Variants in GABRG3 observed in about 807,000 individuals in gnomAD.
The protein encoded by GABRG3 is gamma-aminobutyric acid receptor subunit gamma-3.
In GABRG3, 25 loss-of-function variants were observed where a neutral mutation model predicts 48.8. That is an observed-to-expected ratio of 0.51 (90% CI 0.37 to 0.72). The LOEUF (loss-of-function observed/expected upper bound fraction) is 0.72, where lower values mean the gene tolerates loss of function less well. GABRG3 is among the 30% of genes least tolerant of loss of function. GABRG3 has a pLI of 0.00. For missense variants in GABRG3, 394 were observed against 577.9 expected, an observed-to-expected ratio of 0.68 and a Z score of 3.26; for synonymous variants, 227 against 217.6, an observed-to-expected ratio of 1.04 and a Z score of -0.38.
chr15:27,333,453 C>T (rs1279173291), intron 5 of GABRG3, among the ~76,000 whole-genome samples: 1 of 152,102 alleles, frequency 6.6e-6, no homozygotes, highest in Non-Finnish European at 1.5e-5. Context: ...AAAAACAGCA[C>T]CTCTCTCTGA....
rs181508397 is a variant in GABRG3 at position 27,171,742 on chromosome 15, G to A, written c.270+144921G>A. ...AGGCCAACCAAGATACATATGTGTG[G>A]TGCCTGCTTGAGCCAGGCACTGCCT... On this transcript the variant is annotated intron_variant, in intron 3 of 9. Coordinates refer to ENST00000615808, the MANE Select transcript of GABRG3 (RefSeq NM_033223.5). Among the ~76,000 whole-genome samples the A allele has an allele frequency of 6.8e-4, 103 of 152,192 alleles. 1 individual carries two copies. Among genetic ancestry groups the A allele is most frequent in the African/African-American group, 2.4e-3 (99 of 41,510 alleles).
In GABRG3 at chr15:26,971,272, CAT is replaced by C. The variant is rs1472931644; in HGVS notation, c.-263_-262del. The stretch of plus-strand genomic sequence containing the variant: ...GCCGCGCCAGGGGGTCCCCGGCGCC[CAT>C]TGCTCCCGCCGCCCGGTTGCGCGGA... On this transcript the variant is annotated 5_prime_UTR_variant, in exon 1 of 10. Coordinates refer to ENST00000615808, the MANE Select transcript of GABRG3 (RefSeq NM_033223.5). The C allele has an allele frequency of 6.3e-6, 1 of 158,188 alleles. No individual in the cohort carries two copies. Among genetic ancestry groups the C allele is most frequent in the Non-Finnish European group, 1.4e-5 (1 of 72,906 alleles). 9.8% of individuals were successfully genotyped at this position (158,188 alleles called of 1,614,324 possible). A position where few individuals can be genotyped will look rare whatever the true frequency, so the allele number is the denominator to read the frequency against.
chr15:27,467,628 T>C (rs1198983763), intron 5 of GABRG3, among the ~76,000 whole-genome samples: 1 of 152,264 alleles, frequency 6.6e-6, no homozygotes, highest in African/African-American at 2.4e-5. Context: ...AGCTATTTCA[T>C]TGGCTAAATA....
At chr15:27,156,409 A>T (rs534446577) in intron 3 of GABRG3, among the ~76,000 whole-genome samples, 1 of 152,150 alleles carries the variant, frequency 6.6e-6, no homozygotes, top group South Asian at 2.1e-4. Context: ...AGAATTTTTA[A>T]AATTCCCATG....
chr15:27,187,295 A>T (rs1476655046), intron 3 of GABRG3, among the ~76,000 whole-genome samples: 2 of 152,114 alleles, frequency 1.3e-5, no homozygotes, highest in Non-Finnish European at 2.9e-5. Context: ...GTCTGTTTTC[A>T]TACCAGTACC....
intron 3 of GABRG3, among the ~76,000 whole-genome samples, chr15:27,238,652 T>C (rs1300356065): frequency 6.6e-6 from 1 of 152,222 alleles, no homozygotes; most frequent in African/African-American, 2.4e-5. Context: ...GACATGTAAT[T>C]GACTAAATAA....
chr15:27,197,031 G>A (rs187559574), intron 3 of GABRG3, among the ~76,000 whole-genome samples: 8 of 152,292 alleles, frequency 5.3e-5, no homozygotes, highest in East Asian at 1.9e-4. Context: ...ACTCTGCAAC[G>A]TTAAAAGCAC....
intron 5 of GABRG3, among the ~76,000 whole-genome samples, chr15:27,336,721 A>G (rs1302106994): frequency 6.6e-6 from 1 of 152,238 alleles, no homozygotes; most frequent in African/African-American, 2.4e-5. Flanking sequence ...ATACATATTC[A>G]TAGTAGCACT....
intron 3 of GABRG3, among the ~76,000 whole-genome samples, chr15:27,265,563 G>A (rs1566985941): frequency 6.6e-6 from 1 of 152,172 alleles, no homozygotes; most frequent in Non-Finnish European, 1.5e-5. Flanking sequence ...GGAGCGAAGG[G>A]AAGCGCCGAA....
intron 2 of GABRG3, among the ~76,000 whole-genome samples, chr15:27,007,084 T>G (rs1480076506): frequency 6.6e-6 from 1 of 151,896 alleles, no homozygotes; most frequent in South Asian, 2.1e-4. Context: ...GTGTCTTTTT[T>G]TTTTTTGTTT....
intron 2 of GABRG3, among the ~76,000 whole-genome samples, chr15:27,006,961 C>T (rs1895597897): frequency 6.6e-6 from 1 of 151,928 alleles, no homozygotes; most frequent in African/African-American, 2.4e-5. Flanking sequence ...AGCTCAGCCT[C>T]CTGAGTTGCT....
intron 6 of GABRG3, among the ~76,000 whole-genome samples, chr15:27,515,384 C>T (rs77151651): frequency 0.021 from 3,178 of 152,078 alleles, 71 homozygotes; most frequent in East Asian, 0.099. Flanking sequence ...TGAGCCACCG[C>T]GACCGGCTGG....
At chr15:27,050,157 A>G (rs548523298) in intron 3 of GABRG3, among the ~76,000 whole-genome samples, 1 of 152,326 alleles carries the variant, frequency 6.6e-6, no homozygotes, top group African/African-American at 2.4e-5. Context: ...TTTAGTCTCT[A>G]TATTGGGCAT....
At chr15:27,355,792 A>G (rs976944242) in intron 5 of GABRG3, among the ~76,000 whole-genome samples, 1 of 152,228 alleles carries the variant, frequency 6.6e-6, no homozygotes, top group South Asian at 2.1e-4. Flanking sequence ...TCAGCCTTAA[A>G]ATGGAAGGAA....
At chr15:27,508,853 A>G (rs1277418851) in intron 6 of GABRG3, among the ~76,000 whole-genome samples, 4 of 152,058 alleles carry the variant, frequency 2.6e-5, no homozygotes, top group Non-Finnish European at 2.9e-5. Context: ...AGCTGGGACC[A>G]CAGGCACCCA....
chr15:27,388,264 AGGGAGGGAGGGT>A (rs1566818222), intron 5 of GABRG3, among the ~76,000 whole-genome samples: 34 of 42,556 alleles, frequency 8.0e-4, no homozygotes, highest in East Asian at 1.3e-3. Context: ...GAAGGAAAGG[AGGGAGGGAGGGT>A]AAGGAAGGAA....
At chr15:27,489,147 T>G (rs1189141806) in intron 6 of GABRG3, among the ~76,000 whole-genome samples, 1 of 152,124 alleles carries the variant, frequency 6.6e-6, no homozygotes, top group South Asian at 2.1e-4. Flanking sequence ...TCTGTTCTTA[T>G]GCTAGTTTGC....
At chr15:27,009,250 C>A (rs1250122414) in intron 2 of GABRG3, among the ~76,000 whole-genome samples, 5 of 152,042 alleles carry the variant, frequency 3.3e-5, no homozygotes, top group Non-Finnish European at 7.4e-5. Flanking sequence ...AACAAGCCGT[C>A]AGTGTTGTAA....
chr15:27,284,576 G>C (rs1477666906), intron 3 of GABRG3, among the ~76,000 whole-genome samples: 1 of 152,102 alleles, frequency 6.6e-6, no homozygotes, highest in Non-Finnish European at 1.5e-5. Flanking sequence ...TTTTATTGTT[G>C]AAAGAGCCTG....
Sources: allele counts gnomAD v4.1 joint callset (sites outside exome capture counted in the v4.1 genomes callset), GRCh38; gene constraint gnomAD v4.1.1; transcripts MANE v1.5; gene names NCBI Gene and HGNC (gene_info 2026-07-23, HGNC 2026-07-21).